The following MACROD2 variants were observed in gnomAD, a reference collection of about 807,000 sequenced individuals.
The protein encoded by MACROD2 is mono-ADP ribosylhydrolase 2.
In MACROD2, 36 loss-of-function variants were observed where a neutral mutation model predicts 70.4. That is an observed-to-expected ratio of 0.51 (90% confidence interval 0.39 to 0.68). MACROD2 has a LOEUF of 0.68. Ranked by LOEUF, MACROD2 falls within the 30% of genes least tolerant of loss-of-function variation. The pLI is 0.00. For missense variants in MACROD2, 496 were observed against 538.4 expected (o/e 0.92, Z 0.78); for synonymous variants, 172 against 178.8 (o/e 0.96, Z 0.30).
chr20:15,266,301 C>T (rs1249705519), intron 6 of MACROD2, among the ~76,000 whole-genome samples: 3 of 152,244 alleles, frequency 2.0e-5, no homozygotes, highest in African/African-American at 7.2e-5. Context: ...TACAAGTTTT[C>T]TTCAGATTTT....
At chr20:14,821,560 A>G (rs1354790832) in intron 5 of MACROD2, among the ~76,000 whole-genome samples, 2 of 152,038 alleles carry the variant, frequency 1.3e-5, no homozygotes, top group South Asian at 4.1e-4. Context: ...CGCTCTCATC[A>G]TGTGTACCAG....
intron 8 of MACROD2, among the ~76,000 whole-genome samples, chr20:15,573,342 A>G (rs566224135): frequency 1.3e-5 from 2 of 152,312 alleles, no homozygotes; most frequent in African/African-American, 4.8e-5. Context: ...CCCTGAGAAT[A>G]AAAGCAAGTT....
chr20:14,657,937 T>C (rs1986052641), intron 4 of MACROD2, among the ~76,000 whole-genome samples: 1 of 151,710 alleles, frequency 6.6e-6, no homozygotes, highest in South Asian at 2.1e-4. Flanking sequence ...TACTGAGCTG[T>C]TTTTCTTTCC....
intron 3 of MACROD2, among the ~76,000 whole-genome samples, chr20:14,417,899 A>G (rs1050210300): frequency 5.9e-5 from 9 of 152,224 alleles, no homozygotes; most frequent in African/African-American, 4.8e-5. Context: ...AAGAAAAATG[A>G]TACATGTGAG....
intron 5 of MACROD2, among the ~76,000 whole-genome samples, chr20:14,809,161 T>C (rs893263726): frequency 1.3e-5 from 2 of 152,008 alleles, no homozygotes; most frequent in Non-Finnish European, 2.9e-5. Flanking sequence ...GCACTTATTC[T>C]AAAATCAACC....
chr20:15,865,352 T>TAAC (rs397796474), intron 9 of MACROD2, among the ~76,000 whole-genome samples: 1 of 151,378 alleles, frequency 6.6e-6, no homozygotes, highest in Non-Finnish European at 1.5e-5. Flanking sequence ...TCAATAATAA[T>TAAC]GATTAATAAT....
At chr20:14,944,431 A>G (rs1218541068) in intron 5 of MACROD2, among the ~76,000 whole-genome samples, 1 of 152,154 alleles carries the variant, frequency 6.6e-6, no homozygotes, top group Non-Finnish European at 1.5e-5. Context: ...TAAATTGGAA[A>G]TTGTATACTG....
chr20:14,302,763 C>G (rs1017957878), intron 3 of MACROD2, among the ~76,000 whole-genome samples: 1 of 151,768 alleles, frequency 6.6e-6, no homozygotes, highest in African/African-American at 2.4e-5. Context: ...TCAAATGATT[C>G]TGTTTCAGCC....
chr20:14,044,646 A>C (rs923316968), intron 2 of MACROD2, among the ~76,000 whole-genome samples: 67 of 152,230 alleles, frequency 4.4e-4, no homozygotes, highest in African/African-American at 1.6e-3. Context: ...CAGAGTGTTG[A>C]CTGGTGTATT....
chr20:14,807,080 C>A lies in MACROD2; in HGVS notation c.418+122121C>A, dbSNP rs535717405. 4.6e-5 allele frequency among the ~76,000 whole-genome samples: 7 copies of A among 152,250 alleles called. No individual in the cohort carries two copies. In the South Asian group the frequency reaches 1.5e-3, roughly 32 times the overall value. On this transcript the variant is annotated intron_variant, in intron 5 of 17. Transcript: ENST00000684519. ...GAGTAGCAGATCTCCCAGCACAGTG[C>A]TGGAGCTCTGCCAAGGGACAGACTG...
intron 7 of MACROD2, among the ~76,000 whole-genome samples, chr20:15,459,601 T>C (rs974857047): frequency 6.6e-6 from 1 of 152,066 alleles, no homozygotes; most frequent in African/African-American, 2.4e-5. Context: ...GCCTGCTAAG[T>C]TTCTAAGAGC....
chr20:15,233,447 A>C (rs1421960098), intron 6 of MACROD2, among the ~76,000 whole-genome samples: 1 of 152,084 alleles, frequency 6.6e-6, no homozygotes, highest in Non-Finnish European at 1.5e-5. Context: ...CTAAGAGGAG[A>C]TCATTCTTGA....
rs75604692 is a variant in MACROD2 at position 14,445,908 on chromosome 20, A to G, written c.272-47571A>G. ...TGGGCCTCTAAGTGGCTCCTTCAATAATGCAAACCTGCCATCATGCAAGTT... is the reference window on the plus strand; with the variant it reads ...TGGGCCTCTAAGTGGCTCCTTCAATGATGCAAACCTGCCATCATGCAAGTT... On this transcript the variant is annotated intron_variant, in intron 3 of 17. Coordinates refer to ENST00000684519, the MANE Select transcript of MACROD2 (RefSeq NM_001351661.2). Among the ~76,000 whole-genome samples, 1,276 of 152,238 alleles carry G rather than the reference A, an allele frequency of 8.4e-3. 35 individuals are homozygous for G. The highest frequency in any genetic ancestry group is 0.03 in the African/African-American group (1,224 of 41,466).
At chr20:15,744,954 C>T (rs2051160657) in intron 8 of MACROD2, among the ~76,000 whole-genome samples, 2 of 151,694 alleles carry the variant, frequency 1.3e-5, no homozygotes, top group South Asian at 2.1e-4. Context: ...TTATGTTCTA[C>T]AAAAAAAGAT....
chr20:15,371,498 G>A (rs2045493628), intron 6 of MACROD2, among the ~76,000 whole-genome samples: 1 of 152,132 alleles, frequency 6.6e-6, no homozygotes, highest in African/African-American at 2.4e-5. Context: ...AACTGGTGGT[G>A]AGTAAAGACC....
chr20:15,685,963 A>G (rs758746004), intron 8 of MACROD2, among the ~76,000 whole-genome samples: 4 of 152,170 alleles, frequency 2.6e-5, no homozygotes, highest in African/African-American at 4.8e-5. Flanking sequence ...TTACCACTTT[A>G]TCCATTGCAC....
chr20:14,865,752 T>C (rs1244726329), intron 5 of MACROD2, among the ~76,000 whole-genome samples: 1 of 152,154 alleles, frequency 6.6e-6, no homozygotes, highest in Non-Finnish European at 1.5e-5. Flanking sequence ...TCTTTCTTTA[T>C]TGCTCACCTG....
At chr20:14,226,850 G>C (rs1601372274) in intron 3 of MACROD2, among the ~76,000 whole-genome samples, 1 of 152,076 alleles carries the variant, frequency 6.6e-6, no homozygotes, top group Admixed American at 6.6e-5. Context: ...CCTGCTCCAC[G>C]GCGCCCAGTC....
intron 3 of MACROD2, among the ~76,000 whole-genome samples, chr20:14,156,993 C>T (rs77648864): frequency 1.6e-4 from 24 of 152,232 alleles, no homozygotes; most frequent in Non-Finnish European, 3.5e-4. Flanking sequence ...TCAAGTGATC[C>T]AACTCTTCTA....
Sources: gnomAD v4.1 joint callset for allele counts (sites outside exome capture counted in the v4.1 genomes callset) on GRCh38, gnomAD v4.1.1 for gene constraint, MANE v1.5 for transcripts, NCBI Gene and HGNC (gene_info 2026-07-23, HGNC 2026-07-21) for gene names.